Variants in NEDD4 observed in about 807,000 individuals in gnomAD.
NEDD4 encodes the protein NEDD4 E3 ubiquitin protein ligase.
NEDD4 carries 99 observed loss-of-function variants against 144.9 expected under a neutral mutation model. That is an observed-to-expected ratio of 0.68 (90% CI 0.58 to 0.81). The LOEUF is 0.81. Ranked by LOEUF, NEDD4 falls within the 30% of genes least tolerant of loss-of-function variation. The probability of loss-of-function intolerance (pLI) is 0.00; values close to 1 mark genes in which losing one functional copy is unlikely to be tolerated. For synonymous variants in NEDD4, 318 were observed against 350.6 expected, an observed-to-expected ratio of 0.91 and a Z score of 1.04; for missense variants, 985 against 1,065.9, an observed-to-expected ratio of 0.92 and a Z score of 1.06.
chr15:55,862,728 C>G (rs1404349957), intron 9 of NEDD4, among the ~76,000 whole-genome samples, 185 bp downstream of exon 9: 1 of 151,990 alleles, frequency 6.6e-6, no homozygotes, highest in African/African-American at 2.4e-5. Flanking sequence ...TGAATATTAT[C>G]AAGTCATTTA....
chr15:55,839,764 T>TCAAAAGACTGAGAC (rs1195106813), intron 21 of NEDD4, among the ~76,000 whole-genome samples: 23 of 151,292 alleles, frequency 1.5e-4, no homozygotes, highest in Admixed American at 1.3e-3. Context: ...GATAACGAGG[T>TCAAAAGACTGAGAC]CAAAAGACTG....
Position 55,945,396 on chromosome 15 carries a change from G to A in NEDD4, c.237+5980C>T, listed in dbSNP as rs567516809. ...AAGCTTCAGTAGCTGATTCAATCAA[G>A]TGGAAGAAAGGCTATCACTGATTGA... On this transcript the variant is annotated intron_variant, in intron 4 of 28. Coordinates refer to ENST00000435532, the MANE Select transcript of NEDD4 (RefSeq NM_006154.4). Among the ~76,000 whole-genome samples the A allele has an allele frequency of 2.0e-4, 31 of 152,296 alleles. No homozygotes were observed. The South Asian group carries it at 4.1e-3, about 20-fold the overall frequency.
At chr15:55,929,073 T>C (rs1316613081) in intron 4 of NEDD4, among the ~76,000 whole-genome samples, 1 of 152,146 alleles carries the variant, frequency 6.6e-6, no homozygotes, top group African/African-American at 2.4e-5. Context: ...AACAGTTACC[T>C]AGCAGACAGA....
intron 2 of NEDD4, among the ~76,000 whole-genome samples, chr15:55,953,453 T>C (rs1184179151): frequency 6.6e-6 from 1 of 151,720 alleles, no homozygotes; most frequent in Non-Finnish European, 1.5e-5. Context: ...TTTTTGTTTT[T>C]TTTTTTGAGA....
chr15:55,848,507 C>A lies in NEDD4; in HGVS notation c.1483+14G>T, dbSNP rs1254510884. 4.3e-6 allele frequency: 7 copies of A among 1,613,208 alleles called. No individual in the cohort carries two copies. Among genetic ancestry groups the A allele is most frequent in the Non-Finnish European group, 5.9e-6 (7 of 1,179,338 alleles). Reference sequence around the variant, plus strand: ...TACAAAAAATAACATAATGAAAAATCGCACTGCACATACTGTGATTTATGT... The same window carrying A: ...TACAAAAAATAACATAATGAAAAATAGCACTGCACATACTGTGATTTATGT... On this transcript the variant is annotated intron_variant, in intron 16 of 28. Transcript: ENST00000435532.
chr15:55,897,594 A>C (rs1364280652), intron 5 of NEDD4, among the ~76,000 whole-genome samples: 1 of 152,200 alleles, frequency 6.6e-6, no homozygotes, highest in African/African-American at 2.4e-5. Flanking sequence ...TGACCTGCTC[A>C]ACTCCCTGCA....
chr15:55,970,982 T>A (rs2037598710), intron 1 of NEDD4, among the ~76,000 whole-genome samples: 1 of 152,142 alleles, frequency 6.6e-6, no homozygotes. Context: ...CAGAGATACG[T>A]GAACTCTCAG....
rs550476361 is a variant in NEDD4, at chr15:55,860,810, T to G, written c.675-32A>C. On this transcript the variant is annotated intron_variant, in intron 9 of 28. Coordinates refer to ENST00000435532, the MANE Select transcript of NEDD4 (RefSeq NM_006154.4). ...TGGAAGTATAAAAAGCCATCATCCA[T>G]GTCTTAAGTAGTTAAAATGATTGTC... The G allele has an allele frequency of 1.0e-5, 16 of 1,564,262 alleles. No individual in the cohort carries two copies. The African/African-American group carries it at 2.2e-4, about 21-fold the overall frequency.
At chr15:55,882,990 C>A (rs1400911818) in intron 5 of NEDD4, among the ~76,000 whole-genome samples, 14 of 152,070 alleles carry the variant, frequency 9.2e-5, no homozygotes, top group African/African-American at 2.2e-4. Flanking sequence ...TATAGAGACT[C>A]CTGCGTGGGA....
chr15:55,878,142 A>T (rs967432714), intron 5 of NEDD4, among the ~76,000 whole-genome samples: 1 of 152,196 alleles, frequency 6.6e-6, no homozygotes, highest in African/African-American at 2.4e-5. Context: ...TATACAGATA[A>T]ATTGAAGATA....
At chr15:55,982,083 G>A (rs1294706324) in intron 1 of NEDD4, among the ~76,000 whole-genome samples, 1 of 152,162 alleles carries the variant, frequency 6.6e-6, no homozygotes, top group Non-Finnish European at 1.5e-5. Context: ...GAGAAGGCTG[G>A]GAGACAGGAG....
intron 1 of NEDD4, among the ~76,000 whole-genome samples, chr15:55,986,287 G>A (rs1319766952): frequency 1.3e-5 from 2 of 152,144 alleles, no homozygotes; most frequent in African/African-American, 4.8e-5. Context: ...TAGGATATTG[G>A]CATAATCTTA....
chr15:55,945,602 G>T (rs556742015), intron 4 of NEDD4, among the ~76,000 whole-genome samples: 3 of 152,208 alleles, frequency 2.0e-5, no homozygotes, highest in Admixed American at 1.3e-4. Flanking sequence ...TAATATCAAG[G>T]AGAACTTCCC....
At chr15:55,936,190 C>T (rs1413412388) in intron 4 of NEDD4, among the ~76,000 whole-genome samples, 1 of 152,136 alleles carries the variant, frequency 6.6e-6, no homozygotes, top group African/African-American at 2.4e-5. Flanking sequence ...CCTGTATTTA[C>T]TCTCCGGTAT....
chr15:55,937,147 A>G (rs1198315195), intron 4 of NEDD4, among the ~76,000 whole-genome samples: 1 of 152,180 alleles, frequency 6.6e-6, no homozygotes, highest in Admixed American at 6.5e-5. Context: ...TGTGTTGTCA[A>G]TAACAGTTTT....
intron 8 of NEDD4, among the ~76,000 whole-genome samples, chr15:55,865,216 A>AC (rs1203478531): frequency 6.6e-6 from 1 of 151,492 alleles, no homozygotes; most frequent in African/African-American, 2.4e-5. Context: ...AAAAAAAAAA[A>AC]AACTTTATAG....
chr15:55,924,128 G>C (rs568523409), intron 5 of NEDD4, among the ~76,000 whole-genome samples: 1 of 152,256 alleles, frequency 6.6e-6, no homozygotes, highest in South Asian at 2.1e-4. Context: ...TTTTGCTTCT[G>C]TAAGAGCTGG....
intron 4 of NEDD4, among the ~76,000 whole-genome samples, chr15:55,942,601 C>G (rs2037027647): frequency 6.6e-6 from 1 of 152,186 alleles, no homozygotes. Context: ...TTTCCTGAGG[C>G]CCCCTCATCC....
chr15:55,990,533 G>C (rs1033122470), intron 1 of NEDD4, among the ~76,000 whole-genome samples: 1 of 152,108 alleles, frequency 6.6e-6, no homozygotes, highest in Non-Finnish European at 1.5e-5. Context: ...GAATACTTTC[G>C]CAGAAAATTT....
Sources: gnomAD v4.1 joint callset for allele counts (sites outside exome capture counted in the v4.1 genomes callset) on GRCh38, gnomAD v4.1.1 for gene constraint, MANE v1.5 for transcripts, NCBI Gene and HGNC (gene_info 2026-07-23, HGNC 2026-07-21) for gene names.